EFR3A: variants seen among roughly 807,000 people sequenced by gnomAD.
The protein encoded by EFR3A is protein EFR3 homolog A.
A neutral mutation model predicts 104.4 loss-of-function variants in EFR3A; 76 were observed. The ratio of observed to expected loss-of-function variants is 0.73; its 90% CI spans 0.60 to 0.88. EFR3A has a LOEUF of 0.88. Among genes scored for constraint, EFR3A ranks in the 40% least tolerant of loss-of-function variants. The pLI, the probability that EFR3A is intolerant of heterozygous loss-of-function variation, is 0.00. For missense variants in EFR3A, 985 were observed against 1,012.5 expected, an observed-to-expected ratio of 0.97 and a Z score of 0.37; for synonymous variants, 330 against 330.0, an observed-to-expected ratio of 1.00 and a Z score of 0.00.
At position 132,011,063 on chromosome 8, in the gene EFR3A, A is replaced by G; in HGVS notation, c.*168A>G. ...CATATTAGAAGTTTTGGAGCTATAT[A>G]TAATTTCGAGTACTTTCAAAGATAG... On this transcript the variant is annotated 3_prime_UTR_variant, in exon 23 of 23. Transcript: ENST00000254624. 3 of 1,269,780 alleles carry G rather than the reference A, an allele frequency of 2.4e-6. No individual in the cohort carries two copies. Among genetic ancestry groups the G allele is most frequent in the Non-Finnish European group, 3.0e-6 (3 of 1,002,110 alleles). 78.7% of individuals were successfully genotyped at this position (1,269,780 alleles called of 1,614,324 possible).
intron 22 of EFR3A, among the ~76,000 whole-genome samples, chr8:132,008,116 A>G (rs1453269548): frequency 6.6e-6 from 1 of 152,026 alleles, no homozygotes; most frequent in African/African-American, 2.4e-5. Context: ...AAAACTTACC[A>G]TTAAAAGACT....
chr8:131,984,859 G>C lies in EFR3A; in HGVS notation c.1738-70G>C. 2.9e-6 allele frequency: 4 copies of C among 1,400,798 alleles called. No individual in the cohort carries two copies. In the South Asian group the frequency reaches 4.8e-5, roughly 17 times the overall value. 86.8% of individuals were successfully genotyped at this position (1,400,798 alleles called of 1,614,324 possible). ...TTTCCAAACTACCTGCAGTTTTCCA[G>C]TGTAATCAGAGAAAATGCTGGTGAA... On this transcript the variant is annotated intron_variant, in intron 15 of 22. Transcript: ENST00000254624.
intron 1 of EFR3A, among the ~76,000 whole-genome samples, chr8:131,930,543 AC>A (rs2130496675): frequency 6.6e-6 from 1 of 151,622 alleles, no homozygotes; most frequent in East Asian, 2.0e-4. Flanking sequence ...TGATAATTTC[AC>A]TTTTCCTTTA....
At chr8:132,004,763 A>AT (rs1425518888) in intron 22 of EFR3A, among the ~76,000 whole-genome samples, 2 of 151,944 alleles carry the variant, frequency 1.3e-5, no homozygotes, top group African/African-American at 4.8e-5. Context: ...TATTTTTTTG[A>AT]TTTTTCAGGT....
At position 131,908,710 on chromosome 8, in the gene EFR3A, A is replaced by G. The variant is rs193005619; in HGVS notation, c.10+4388A>G. ...TAAGTCCCAGCTCTTTTTTCATACT[A>G]TAGTGCTCTGAGCCAGGCAGGAGTT... On this transcript the variant is annotated intron_variant, in intron 1 of 22. Transcript: ENST00000254624. Among the ~76,000 whole-genome samples the G allele has an allele frequency of 9.2e-5, 14 of 152,270 alleles. No individual in the cohort carries two copies. In the East Asian group the frequency reaches 2.1e-3, roughly 23 times the overall value.
At chr8:131,979,503 C>A (rs2130736114) in intron 14 of EFR3A, 82 bp downstream of exon 14, 3 of 981,824 alleles carry the variant, frequency 3.1e-6, no homozygotes, top group Admixed American at 2.5e-5. Context: ...TTGATCTGTG[C>A]CCTTGAAATT....
intron 19 of EFR3A, chr8:132,000,916 G>C (rs547526543): frequency 6.6e-6 from 1 of 152,146 alleles, no homozygotes; most frequent in South Asian, 2.1e-4. Context: ...AGAGAATGAC[G>C]TCTTTTGCTT....
intron 22 of EFR3A, among the ~76,000 whole-genome samples, 163 bp downstream of exon 22, chr8:132,003,448 G>T (rs1821889327): frequency 6.6e-6 from 1 of 152,158 alleles, no homozygotes; most frequent in Non-Finnish European, 1.5e-5. Context: ...GCTTAATAGT[G>T]ATTCTGTTTT....
At chr8:131,972,044 G>A (rs1264048596) in intron 10 of EFR3A, among the ~76,000 whole-genome samples, 2 of 152,082 alleles carry the variant, frequency 1.3e-5, no homozygotes, top group East Asian at 1.9e-4. Context: ...AAACCTATCA[G>A]TTGCCTCTCA....
At chr8:131,944,640 C>T (rs913099257) in intron 2 of EFR3A, 105 bp from the exon 3 acceptor site, 18 of 1,111,564 alleles carry the variant, frequency 1.6e-5, no homozygotes, top group Non-Finnish European at 2.1e-5. Context: ...ACATAAATAT[C>T]GTTTAATCCC....
At chr8:131,917,359 A>G (rs1252454680) in intron 1 of EFR3A, among the ~76,000 whole-genome samples, 8 of 152,204 alleles carry the variant, frequency 5.3e-5, no homozygotes, top group African/African-American at 1.9e-4. Flanking sequence ...GGTATGACAC[A>G]GTAAACAGGC....
Position 131,944,872 on chromosome 8 carries a change from G to T in EFR3A, c.215G>T (p.Gly72Val), listed in dbSNP as rs1455048482. Residue 72 changes from glycine (G) to valine (V), a missense_variant and splice_region_variant, in exon 3 of 23, where the codon GGG (glycine) becomes GTG (valine). By Grantham distance (109) the Gly-to-Val change is moderately radical (BLOSUM62 -3). Transcript: ENST00000254624. ...AGGGATGTTGTCAGACATCGTTCTG[G>T]GTAAGGAAACTAATGGCTGCTAAAA... is the stretch of plus-strand genomic sequence containing the variant. ...LSRDVVRHRS[G>V]YVLIAMEALD... 1 of 1,606,312 alleles carries T rather than the reference G, an allele frequency of 6.2e-7. No individual in the cohort carries two copies. The highest frequency in any genetic ancestry group is 8.5e-7 in the Non-Finnish European group (1 of 1,177,204).
At chr8:131,954,442 AT>A (rs1166260070) in intron 6 of EFR3A, among the ~76,000 whole-genome samples, 1 of 151,802 alleles carries the variant, frequency 6.6e-6, no homozygotes, top group African/African-American at 2.4e-5. Flanking sequence ...TTCATATTTG[AT>A]TTGTCCTAAG....
At chr8:131,933,623 A>T (rs1817728201) in intron 1 of EFR3A, among the ~76,000 whole-genome samples, 1 of 152,026 alleles carries the variant, frequency 6.6e-6, no homozygotes, top group Non-Finnish European at 1.5e-5. Context: ...GTAATATTTA[A>T]TTTTTTTCCA....
intron 9 of EFR3A, 64 bp from the exon 10 acceptor site, chr8:131,970,412 G>A: frequency 7.0e-7 from 1 of 1,427,948 alleles, no homozygotes; most frequent in Non-Finnish European, 9.6e-7. Flanking sequence ...GAGAAATAAG[G>A]TAATTGACTT....
intron 1 of EFR3A, among the ~76,000 whole-genome samples, chr8:131,927,896 T>G (rs1314848987): frequency 2.0e-5 from 3 of 152,106 alleles, no homozygotes; most frequent in African/African-American, 7.2e-5. Context: ...AAAGAACAGA[T>G]ATAGATGTGA....
At chr8:131,940,423 T>C in intron 1 of EFR3A, 76 bp from the exon 2 acceptor site, 1 of 1,381,270 alleles carries the variant, frequency 7.2e-7, no homozygotes, top group African/African-American at 1.5e-5. Flanking sequence ...CCCATTAATA[T>C]TCAGAAACTT....
At chr8:131,949,897 G>A in intron 4 of EFR3A, 72 bp from the exon 5 acceptor site, 1 of 1,288,510 alleles carries the variant, frequency 7.8e-7, no homozygotes, top group South Asian at 1.4e-5. Flanking sequence ...ATATGACAGT[G>A]TATGAAATTA....
At chr8:131,925,658 T>A (rs1005693746) in intron 1 of EFR3A, among the ~76,000 whole-genome samples, 6 of 152,134 alleles carry the variant, frequency 3.9e-5, no homozygotes, top group Non-Finnish European at 8.8e-5. Context: ...GAAGTAATTT[T>A]TTTTTTAATA....
Sources: gnomAD v4.1 joint callset for allele counts (sites outside exome capture counted in the v4.1 genomes callset) on GRCh38, gnomAD v4.1.1 for gene constraint, MANE v1.5 for transcripts, NCBI Gene and HGNC (gene_info 2026-07-23, HGNC 2026-07-21) for gene names.